Variants in DLGAP2 observed in about 807,000 individuals in gnomAD.
DLGAP2 encodes DLG associated protein 2.
A neutral mutation model predicts 100.3 loss-of-function variants in DLGAP2; 26 were observed. That is an observed-to-expected ratio of 0.26 (90% confidence interval 0.19 to 0.36). DLGAP2 has a LOEUF of 0.36. Ranked by LOEUF, DLGAP2 falls within the 10% of genes least tolerant of loss-of-function variation. The probability of loss-of-function intolerance (pLI) is 1.00; values close to 1 mark genes in which losing one functional copy is unlikely to be tolerated. For missense variants in DLGAP2, 1,858 were observed against 1,453.2 expected (o/e 1.28, Z -4.53); for synonymous variants, 886 against 630.1 (o/e 1.41, Z -6.08).
At chr8:961,875 C>T (rs563755180) in intron 2 of DLGAP2, among the ~76,000 whole-genome samples, 3 of 152,122 alleles carry the variant, frequency 2.0e-5, no homozygotes, top group East Asian at 1.9e-4. Flanking sequence ...GTACTGGACT[C>T]GGGAAGTCTT....
intron 2 of DLGAP2, among the ~76,000 whole-genome samples, chr8:1,197,833 C>A (rs564258144): frequency 6.6e-6 from 1 of 152,262 alleles, no homozygotes; most frequent in South Asian, 2.1e-4. Context: ...GCGTTCCCTC[C>A]CATGGGGGAT....
chr8:1,231,488 A>G (rs1395627083), intron 2 of DLGAP2, among the ~76,000 whole-genome samples: 1 of 152,216 alleles, frequency 6.6e-6, no homozygotes, highest in African/African-American at 2.4e-5. Flanking sequence ...CTGGCTATGT[A>G]TCCAAAAGAA....
intron 2 of DLGAP2, among the ~76,000 whole-genome samples, chr8:1,216,146 G>A (rs1019510586): frequency 1.3e-5 from 2 of 152,194 alleles, no homozygotes; most frequent in East Asian, 3.9e-4. Flanking sequence ...ACAGGGGAGT[G>A]TGTGTTCGCA....
At chr8:1,437,610 G>A (rs1473870330) in intron 3 of DLGAP2, among the ~76,000 whole-genome samples, 2 of 152,130 alleles carry the variant, frequency 1.3e-5, no homozygotes, top group East Asian at 3.9e-4. Context: ...ATTCCTAATT[G>A]TGTGAGGAAA....
At chr8:1,596,378 G>T (rs1029685776) in intron 6 of DLGAP2, among the ~76,000 whole-genome samples, 1 of 152,148 alleles carries the variant, frequency 6.6e-6, no homozygotes. Context: ...AATCCTTTGG[G>T]TATATACCCA....
chr8:975,017 G>C (rs2654016), intron 2 of DLGAP2, among the ~76,000 whole-genome samples: 1 of 152,262 alleles, frequency 6.6e-6, no homozygotes, highest in African/African-American at 2.4e-5. Flanking sequence ...AGAAAAAAGG[G>C]AGAGAAGATC....
At chr8:1,180,869 G>T (rs1463937200) in intron 2 of DLGAP2, among the ~76,000 whole-genome samples, 2 of 98,102 alleles carry the variant, frequency 2.0e-5, no homozygotes, top group Non-Finnish European at 2.4e-5. Context: ...GTCGAATGTG[G>T]TGCATGTTGT....
chr8:1,338,720 G>C (rs971943502), intron 3 of DLGAP2, among the ~76,000 whole-genome samples: 2 of 152,230 alleles, frequency 1.3e-5, no homozygotes, highest in African/African-American at 2.4e-5. Flanking sequence ...CCATAATGGG[G>C]AGAGAGTGAG....
At chr8:1,108,205 C>T (rs1184677328) in intron 2 of DLGAP2, among the ~76,000 whole-genome samples, 1 of 152,154 alleles carries the variant, frequency 6.6e-6, no homozygotes, top group Non-Finnish European at 1.5e-5. Flanking sequence ...CACTGTCCTT[C>T]CTGTCCAGAT....
chr8:1,265,166 A>T (rs1028192402), intron 3 of DLGAP2, among the ~76,000 whole-genome samples: 1 of 152,244 alleles, frequency 6.6e-6, no homozygotes, highest in Non-Finnish European at 1.5e-5. Context: ...CCTAGAAGTA[A>T]TAGACTTGCC....
chr8:1,039,430 A>G (rs1263881822), intron 2 of DLGAP2, among the ~76,000 whole-genome samples: 3 of 112,256 alleles, frequency 2.7e-5, no homozygotes, highest in Non-Finnish European at 3.6e-5. Flanking sequence ...CGGTTTCTGT[A>G]GTCGGCTCGG....
At chr8:1,295,488 A>G (rs1196699111) in intron 3 of DLGAP2, among the ~76,000 whole-genome samples, 1 of 152,000 alleles carries the variant, frequency 6.6e-6, no homozygotes, top group Non-Finnish European at 1.5e-5. Context: ...CGGGAAGCAC[A>G]CTCTCTGTCC....
At chr8:1,106,065 C>T (rs1209600369) in intron 2 of DLGAP2, among the ~76,000 whole-genome samples, 3 of 140,248 alleles carry the variant, frequency 2.1e-5, no homozygotes, top group Non-Finnish European at 3.0e-5. Context: ...GGAGGGTTTT[C>T]TATTGAGGGG....
intron 2 of DLGAP2, among the ~76,000 whole-genome samples, chr8:1,122,919 A>G (rs1796083146): frequency 6.6e-6 from 1 of 152,200 alleles, no homozygotes. Flanking sequence ...AGAGTGTGAT[A>G]CCAGCTCTTA....
intron 2 of DLGAP2, among the ~76,000 whole-genome samples, chr8:995,036 G>T (rs1800747769): frequency 6.6e-6 from 1 of 152,124 alleles, no homozygotes; most frequent in Non-Finnish European, 1.5e-5. Flanking sequence ...ATGCTGTTCT[G>T]TTCAGGTTAA....
chr8:884,901 T>A (rs548491083), intron 1 of DLGAP2, among the ~76,000 whole-genome samples: 1 of 152,340 alleles, frequency 6.6e-6, no homozygotes, highest in Non-Finnish European at 1.5e-5. Flanking sequence ...CCTTTCTCCA[T>A]TACTTGTTTT....
At chr8:1,507,875 T>C (rs936060482) in intron 4 of DLGAP2, among the ~76,000 whole-genome samples, 2 of 131,576 alleles carry the variant, frequency 1.5e-5, no homozygotes, top group African/African-American at 6.8e-5. Context: ...AGGTTCAGGC[T>C]TCAGCCTTGA....
chr8:1,567,051 T>C (rs949789996), intron 6 of DLGAP2, among the ~76,000 whole-genome samples: 8 of 152,098 alleles, frequency 5.3e-5, no homozygotes, highest in Non-Finnish European at 1.0e-4. Context: ...AAAGCCAAAA[T>C]GTTGCCCTGG....
At chr8:1,171,575 G>T (rs1479941344) in intron 2 of DLGAP2, among the ~76,000 whole-genome samples, 2 of 151,996 alleles carry the variant, frequency 1.3e-5, no homozygotes, top group Non-Finnish European at 2.9e-5. Context: ...TCCTGTATTG[G>T]GTGCATATAT....
Sources: allele counts gnomAD v4.1 joint callset (sites outside exome capture counted in the v4.1 genomes callset), GRCh38; gene constraint gnomAD v4.1.1; transcripts MANE v1.5; gene names NCBI Gene and HGNC (gene_info 2026-07-23, HGNC 2026-07-21).